The following OPCML variants were observed in gnomAD, a reference collection of about 807,000 sequenced individuals.
The protein encoded by OPCML is opioid binding protein/cell adhesion molecule like, also known as opioid-binding protein/cell adhesion molecule.
OPCML carries 13 observed loss-of-function variants against 37.8 expected under a neutral mutation model. That is an observed-to-expected ratio of 0.34 (90% CI 0.22 to 0.55). OPCML has a LOEUF of 0.55. OPCML is among the 20% of genes least tolerant of loss of function. The pLI, the probability that OPCML is intolerant of heterozygous loss-of-function variation, is 0.91. For synonymous variants in OPCML, 176 were observed against 168.8 expected, an observed-to-expected ratio of 1.04 and a Z score of -0.33; for missense variants, 341 against 435.6, an observed-to-expected ratio of 0.78 and a Z score of 1.93.
At chr11:132,765,846 G>A (rs1403505209) in intron 2 of OPCML, among the ~76,000 whole-genome samples, 3 of 152,160 alleles carry the variant, frequency 2.0e-5, no homozygotes, top group African/African-American at 7.2e-5. Context: ...CTACTCAAGA[G>A]AACTAGGTTT....
chr11:132,703,874 C>CA (rs1565789680), intron 2 of OPCML, among the ~76,000 whole-genome samples: 1 of 152,182 alleles, frequency 6.6e-6, no homozygotes, highest in African/African-American at 2.4e-5. Context: ...GGTGCTGAGG[C>CA]AGGCCTGGCA....
intron 1 of OPCML, among the ~76,000 whole-genome samples, chr11:133,492,182 G>T (rs2120452649): frequency 6.6e-6 from 1 of 152,228 alleles, no homozygotes; most frequent in South Asian, 2.1e-4. Flanking sequence ...GAGTGGACAG[G>T]AAGGGAAGAG....
chr11:133,502,704 A>G (rs1487448158), intron 1 of OPCML, among the ~76,000 whole-genome samples: 1 of 152,252 alleles, frequency 6.6e-6, no homozygotes, highest in African/African-American at 2.4e-5. Flanking sequence ...GTCCTCAGGT[A>G]CCACAGTTCT....
At chr11:132,573,919 C>T (rs780260263) in intron 3 of OPCML, among the ~76,000 whole-genome samples, 6 of 151,978 alleles carry the variant, frequency 3.9e-5, no homozygotes, top group Non-Finnish European at 5.9e-5. Flanking sequence ...AGTTATGGGT[C>T]TGTTTAGGCT....
At chr11:133,093,646 A>C (rs1350957200) in intron 1 of OPCML, among the ~76,000 whole-genome samples, 2 of 152,224 alleles carry the variant, frequency 1.3e-5, no homozygotes, top group African/African-American at 4.8e-5. Flanking sequence ...AGTGGTAGGC[A>C]TTCATTAACT....
chr11:133,200,331 G>A (rs908055801), intron 1 of OPCML, among the ~76,000 whole-genome samples: 1 of 152,142 alleles, frequency 6.6e-6, no homozygotes, highest in Non-Finnish European at 1.5e-5. Flanking sequence ...TTATTTGGGG[G>A]CAGAAGAGAA....
intron 3 of OPCML, among the ~76,000 whole-genome samples, chr11:132,588,682 T>TC (rs1469445056): frequency 3.3e-5 from 5 of 152,152 alleles, no homozygotes; most frequent in African/African-American, 1.2e-4. Flanking sequence ...ATGTAGGACT[T>TC]CCATGTGTAA....
intron 3 of OPCML, among the ~76,000 whole-genome samples, chr11:132,588,248 T>C (rs2096477326): frequency 6.6e-6 from 1 of 152,014 alleles, no homozygotes; most frequent in Non-Finnish European, 1.5e-5. Context: ...TGTCCGGTTT[T>C]AATAGTAAAT....
At chr11:133,126,683 G>A (rs564564493) in intron 1 of OPCML, among the ~76,000 whole-genome samples, 246 of 152,220 alleles carry the variant, frequency 1.6e-3, no homozygotes, top group Middle Eastern at 0.01. Flanking sequence ...CACTATTGAT[G>A]TGTATCTTTC....
At chr11:133,075,032 G>A (rs761400118) in intron 1 of OPCML, among the ~76,000 whole-genome samples, 1 of 152,190 alleles carries the variant, frequency 6.6e-6, no homozygotes, top group Admixed American at 6.5e-5. Context: ...AGAGCAGAAA[G>A]AAGGAAAGTG....
chr11:133,346,063 G>A (rs1943995626), intron 1 of OPCML, among the ~76,000 whole-genome samples: 1 of 152,134 alleles, frequency 6.6e-6, no homozygotes, highest in South Asian at 2.1e-4. Flanking sequence ...AGGTTGTTTA[G>A]GTTTATCCAG....
At chr11:132,595,365 G>A (rs940546623) in intron 3 of OPCML, among the ~76,000 whole-genome samples, 23 of 152,152 alleles carry the variant, frequency 1.5e-4, no homozygotes, top group African/African-American at 5.1e-4. Context: ...CATAATAAAT[G>A]TGTCCCTGTC....
chr11:132,893,439 T>A (rs1424614890), intron 2 of OPCML, among the ~76,000 whole-genome samples: 1 of 152,204 alleles, frequency 6.6e-6, no homozygotes, highest in Non-Finnish European at 1.5e-5. Flanking sequence ...TCACCTGTGC[T>A]TTTGTTTGGT....
intron 2 of OPCML, among the ~76,000 whole-genome samples, chr11:132,861,931 G>C (rs533855077): frequency 6.0e-4 from 91 of 151,486 alleles, no homozygotes; most frequent in African/African-American, 2.0e-3. Context: ...ACTCCTACTG[G>C]ATGCTGGTAC....
chr11:132,927,607 C>T (rs1473510211), intron 2 of OPCML, among the ~76,000 whole-genome samples: 1 of 151,982 alleles, frequency 6.6e-6, no homozygotes, highest in Admixed American at 6.5e-5. Flanking sequence ...CAAAAGAAAG[C>T]TGGAAAGTAA....
chr11:133,210,405 C>T (rs899888107), intron 1 of OPCML, among the ~76,000 whole-genome samples: 14 of 152,154 alleles, frequency 9.2e-5, no homozygotes, highest in African/African-American at 2.9e-4. Flanking sequence ...TCCCTTCTCT[C>T]TCCCTCTTCC....
chr11:132,921,430 C>A (rs1378776424), intron 2 of OPCML, among the ~76,000 whole-genome samples: 1 of 152,238 alleles, frequency 6.6e-6, no homozygotes, highest in Non-Finnish European at 1.5e-5. Flanking sequence ...CCTCCATGGC[C>A]CCCAGCCATA....
At chr11:132,939,613 T>C (rs10791263) in intron 2 of OPCML, among the ~76,000 whole-genome samples, 122,163 of 152,140 alleles carry the variant, frequency 0.8, 49,256 homozygotes, top group Admixed American at 0.86. Context: ...TGTACACAGA[T>C]GATGTGGACC....
At chr11:133,141,095 G>GAAGAAGAAGAAGAAGAAGGAGA (rs1565469375) in intron 1 of OPCML, among the ~76,000 whole-genome samples, 3 of 12,928 alleles carry the variant, frequency 2.3e-4, no homozygotes, top group African/African-American at 4.2e-4. Context: ...GAAGAAGAAG[G>GAAGAAGAAGAAGAAGAAGGAGA]AGAAGAAGAA....
Sources: allele counts gnomAD v4.1 joint callset (sites outside exome capture counted in the v4.1 genomes callset), GRCh38; gene constraint gnomAD v4.1.1; transcripts MANE v1.5; gene names NCBI Gene and HGNC (gene_info 2026-07-23, HGNC 2026-07-21).